Variants in C8orf34 observed in about 807,000 individuals in gnomAD.
C8orf34 encodes uncharacterized protein C8orf34.
Under a neutral mutation model 68.3 loss-of-function variants are expected in C8orf34, and 65 were observed. The ratio of observed to expected loss-of-function variants is 0.95; its 90% CI spans 0.78 to 1.17. The LOEUF is 1.17. C8orf34 is among the 50% of genes most tolerant of loss of function. The probability of loss-of-function intolerance (pLI) is 0.00; values close to 1 mark genes in which losing one functional copy is unlikely to be tolerated. For synonymous variants in C8orf34, 244 were observed against 241.2 expected (o/e 1.01, Z -0.11); for missense variants, 664 against 655.4 (o/e 1.01, Z -0.14).
chr8:68,811,418 C>T (rs1824647458), intron 12 of C8orf34, among the ~76,000 whole-genome samples: 1 of 152,220 alleles, frequency 6.6e-6, no homozygotes, highest in Non-Finnish European at 1.5e-5. Context: ...AACAGCTGCA[C>T]CTGTGCCCTT....
intron 11 of C8orf34, among the ~76,000 whole-genome samples, chr8:68,785,468 G>A (rs149514880): frequency 2.6e-5 from 4 of 152,068 alleles, no homozygotes; most frequent in East Asian, 1.9e-4. Flanking sequence ...TTGTTAACCC[G>A]TACTCCTATG....
At chr8:68,616,034 G>C (rs1318620304) in intron 7 of C8orf34, among the ~76,000 whole-genome samples, 1 of 151,146 alleles carries the variant, frequency 6.6e-6, no homozygotes, top group Non-Finnish European at 1.5e-5. Context: ...TGTACGTGTC[G>C]AGGAATTTAT....
At chr8:68,724,727 T>C (rs559941825) in intron 10 of C8orf34, among the ~76,000 whole-genome samples, 8 of 152,272 alleles carry the variant, frequency 5.3e-5, no homozygotes, top group African/African-American at 1.9e-4. Flanking sequence ...AAGACAACCA[T>C]GAAAAGAAAA....
At chr8:68,474,691 C>T (rs1278703581) in intron 4 of C8orf34, among the ~76,000 whole-genome samples, 1 of 152,182 alleles carries the variant, frequency 6.6e-6, no homozygotes. Flanking sequence ...GGAATGCAGA[C>T]GCTTTCCATC....
rs368189379 is a variant in C8orf34 at position 68,357,744 on chromosome 8, G to A, written c.327+26405G>A. ...TACAAGAACCACACTGATTAAAATG[G>A]CAGTTTTGTCTAAGGAAGAATGTTG... On this transcript the variant is annotated intron_variant, in intron 1 of 13. Transcript: ENST00000518698. 2.0e-5 allele frequency among the ~76,000 whole-genome samples: 3 copies of A among 152,282 alleles called. No homozygotes were observed. The South Asian group carries it at 6.2e-4, about 32-fold the overall frequency.
intron 7 of C8orf34, among the ~76,000 whole-genome samples, chr8:68,567,754 T>G (rs2130235311): frequency 6.6e-6 from 1 of 151,002 alleles, no homozygotes; most frequent in African/African-American, 2.4e-5. Flanking sequence ...GGTTTCAATT[T>G]CATTTAGTTC....
intron 1 of C8orf34, among the ~76,000 whole-genome samples, chr8:68,434,807 G>A (rs1205605096): frequency 1.3e-5 from 2 of 152,136 alleles, no homozygotes; most frequent in African/African-American, 2.4e-5. Flanking sequence ...AGCACTCTGG[G>A]AGGCCGAGGT....
At chr8:68,442,718 G>A (rs1368477705) in intron 2 of C8orf34, among the ~76,000 whole-genome samples, 1 of 152,190 alleles carries the variant, frequency 6.6e-6, no homozygotes, top group East Asian at 1.9e-4. Flanking sequence ...AATCCTGTGG[G>A]CAGCTTTAGT....
In C8orf34 at chr8:68,484,238, A is replaced by ATGAGAGCGGC. The variant is rs1812981380; in HGVS notation, c.737-3784_737-3775dup. 3.3e-5 allele frequency among the ~76,000 whole-genome samples: 5 copies of ATGAGAGCGGC among 152,206 alleles called. No individual in the cohort carries two copies. The South Asian group carries it at 1.0e-3, about 31-fold the overall frequency. ...ATCATTTGAGAACTCACTCACTATC[A>ATGAGAGCGGC]TGAGAGCGGCAACAAAGACATGGTA... is the stretch of plus-strand genomic sequence containing the variant. On this transcript the variant is annotated intron_variant, in intron 4 of 13. Transcript: ENST00000518698.
chr8:68,755,289 A>G (rs1362507261), intron 10 of C8orf34, among the ~76,000 whole-genome samples: 1 of 152,196 alleles, frequency 6.6e-6, no homozygotes, highest in Non-Finnish European at 1.5e-5. Flanking sequence ...TCTTCCTGAC[A>G]CTGAAAATTT....
chr8:68,737,694 G>A (rs529385301), intron 10 of C8orf34, among the ~76,000 whole-genome samples: 1 of 152,044 alleles, frequency 6.6e-6, no homozygotes, highest in South Asian at 2.1e-4. Flanking sequence ...TTACATAATG[G>A]TAAAGAGTTC....
At chr8:68,707,915 T>A (rs1821217144) in intron 8 of C8orf34, among the ~76,000 whole-genome samples, 1 of 152,164 alleles carries the variant, frequency 6.6e-6, no homozygotes, top group Admixed American at 6.6e-5. Flanking sequence ...ATATTTGCTA[T>A]TGCTGAATAT....
intron 7 of C8orf34, among the ~76,000 whole-genome samples, chr8:68,546,626 C>T (rs1233934065): frequency 1.3e-5 from 2 of 151,734 alleles, no homozygotes; most frequent in Non-Finnish European, 3.0e-5. Context: ...ACAGTATCAA[C>T]ATTTACAGTA....
chr8:68,447,244 G>A (rs1811163154), intron 3 of C8orf34: 1 of 152,074 alleles, frequency 6.6e-6, no homozygotes, highest in Non-Finnish European at 1.5e-5. Flanking sequence ...TTACCATGAG[G>A]ACAGCACCAA....
At chr8:68,357,195 G>A (rs1806786306) in intron 1 of C8orf34, among the ~76,000 whole-genome samples, 1 of 151,910 alleles carries the variant, frequency 6.6e-6, no homozygotes, top group Non-Finnish European at 1.5e-5. Context: ...AGCCTATTAG[G>A]TATACAATAT....
intron 8 of C8orf34, among the ~76,000 whole-genome samples, chr8:68,682,369 T>C (rs1563606521): frequency 6.6e-6 from 1 of 152,122 alleles, no homozygotes; most frequent in Non-Finnish European, 1.5e-5. Context: ...GTTAAAAAGA[T>C]ATTTTTTTAA....
intron 8 of C8orf34, among the ~76,000 whole-genome samples, chr8:68,706,239 A>G (rs775104551): frequency 2.0e-5 from 3 of 152,210 alleles, no homozygotes; most frequent in Non-Finnish European, 4.4e-5. Flanking sequence ...CTGCCTTCGC[A>G]GGAGTGACAG....
At chr8:68,599,978 C>T (rs1343004602) in intron 7 of C8orf34, among the ~76,000 whole-genome samples, 2 of 151,968 alleles carry the variant, frequency 1.3e-5, no homozygotes, top group Non-Finnish European at 2.9e-5. Flanking sequence ...AACTTAGACA[C>T]TTCACAAAAG....
chr8:68,584,608 C>A (rs1290543553), intron 7 of C8orf34, among the ~76,000 whole-genome samples: 1 of 152,102 alleles, frequency 6.6e-6, no homozygotes, highest in Admixed American at 6.6e-5. Flanking sequence ...TAGTCATAAT[C>A]ATAGCCAGGA....
Sources: gnomAD v4.1 joint callset for allele counts (sites outside exome capture counted in the v4.1 genomes callset) on GRCh38, gnomAD v4.1.1 for gene constraint, MANE v1.5 for transcripts, NCBI Gene and HGNC (gene_info 2026-07-23, HGNC 2026-07-21) for gene names.